Variants in COMMD10 observed in about 807,000 individuals in gnomAD.
COMMD10 encodes the protein COMM domain-containing protein 10.
COMMD10 carries 33 observed loss-of-function variants against 28.9 expected under a neutral mutation model. The ratio of observed to expected loss-of-function variants is 1.14; its 90% CI spans 0.87 to 1.53. The LOEUF is 1.53. COMMD10 is among the 40% of genes most tolerant of loss of function. The probability of loss-of-function intolerance (pLI) is 0.00; values close to 1 mark genes in which losing one functional copy is unlikely to be tolerated. For synonymous variants in COMMD10, 110 were observed against 81.7 expected (o/e 1.35, Z -1.87); for missense variants, 310 against 233.4 (o/e 1.33, Z -2.14).
intron 5 of COMMD10, among the ~76,000 whole-genome samples, chr5:116,280,674 G>A (rs1247365539): frequency 6.6e-6 from 1 of 151,786 alleles, no homozygotes; most frequent in Admixed American, 6.6e-5. Flanking sequence ...GTAAATGTAA[G>A]TAGAGTTTCA....
At chr5:116,255,777 C>A (rs1025313215) in intron 5 of COMMD10, 2 of 151,094 alleles carry the variant, frequency 1.3e-5, no homozygotes, top group Admixed American at 6.6e-5. Flanking sequence ...AAAGATACAA[C>A]CCATGAGTGC....
intron 5 of COMMD10, among the ~76,000 whole-genome samples, chr5:116,216,625 G>A (rs192187961): frequency 5.3e-5 from 8 of 152,196 alleles, no homozygotes; most frequent in Non-Finnish European, 8.8e-5. Flanking sequence ...TGTGCCTCCC[G>A]GAGGTTCAAG....
At chr5:116,159,858 A>T (rs1191670122) in intron 5 of COMMD10, among the ~76,000 whole-genome samples, 1 of 152,216 alleles carries the variant, frequency 6.6e-6, no homozygotes. Context: ...ATTGAAACTT[A>T]AATGTATTGC....
chr5:116,253,560 G>T (rs1750187016), intron 5 of COMMD10, among the ~76,000 whole-genome samples: 1 of 135,738 alleles, frequency 7.4e-6, no homozygotes, highest in African/African-American at 2.9e-5. Flanking sequence ...ATAATCATGT[G>T]GTTTTTGTCT....
At chr5:116,228,297 T>G (rs1749445786) in intron 5 of COMMD10, among the ~76,000 whole-genome samples, 2 of 151,956 alleles carry the variant, frequency 1.3e-5, no homozygotes, top group African/African-American at 4.8e-5. Context: ...ACAAAATCAT[T>G]ATTTTGATAG....
chr5:116,205,331 G>C (rs1028030444), intron 5 of COMMD10, among the ~76,000 whole-genome samples: 12 of 151,998 alleles, frequency 7.9e-5, no homozygotes, highest in Admixed American at 7.9e-4. Flanking sequence ...CTATTTAGTT[G>C]TTGGAAGAGA....
At chr5:116,227,772 A>G (rs1749434431) in intron 5 of COMMD10, among the ~76,000 whole-genome samples, 1 of 152,122 alleles carries the variant, frequency 6.6e-6, no homozygotes, top group Non-Finnish European at 1.5e-5. Flanking sequence ...AATGTTAAAA[A>G]GTTACTATCA....
At chr5:116,283,016 T>C (rs1282760166) in intron 5 of COMMD10, among the ~76,000 whole-genome samples, 2 of 151,942 alleles carry the variant, frequency 1.3e-5, no homozygotes, top group Non-Finnish European at 2.9e-5. Context: ...TTAGAGAAGA[T>C]TCTGTAGAAC....
rs575248113 is a variant in COMMD10, at chr5:116,241,762, G to A, written c.511-49755G>A. Among the ~76,000 whole-genome samples, 115 of 152,034 alleles carry A rather than the reference G, an allele frequency of 7.6e-4. 1 individual carries two copies. The highest frequency in any genetic ancestry group is 3.9e-4 in the East Asian group (2 of 5,172). ...TGAGTAGCTGGGACTACAGGCGCCC[G>A]CCACCACGCCCAGCTAATTTTTTGT... On this transcript the variant is annotated intron_variant, in intron 5 of 6. Transcript: ENST00000274458.
chr5:116,287,591 G>A (rs1751252413), intron 5 of COMMD10, among the ~76,000 whole-genome samples: 1 of 151,590 alleles, frequency 6.6e-6, no homozygotes, highest in Admixed American at 6.6e-5. Context: ...ATTACCGATA[G>A]GCAAGGACTT....
intron 5 of COMMD10, among the ~76,000 whole-genome samples, chr5:116,289,697 C>G (rs928857016): frequency 6.6e-6 from 1 of 151,814 alleles, no homozygotes; most frequent in African/African-American, 2.4e-5. Flanking sequence ...CTTGGTTGCT[C>G]CGCTATTCCA....
chr5:116,269,667 CTCT>C (rs1245083962), intron 5 of COMMD10, among the ~76,000 whole-genome samples: 1 of 151,618 alleles, frequency 6.6e-6, no homozygotes, highest in Non-Finnish European at 1.5e-5. Context: ...ATATTTTAGC[CTCT>C]TCTTAAGTTT....
At chr5:116,146,806 T>C (rs1752364938) in intron 5 of COMMD10, among the ~76,000 whole-genome samples, 2 of 151,790 alleles carry the variant, frequency 1.3e-5, no homozygotes, top group Non-Finnish European at 2.9e-5. Context: ...TCAGAAGAAA[T>C]TATTGGGCAC....
intron 5 of COMMD10, among the ~76,000 whole-genome samples, chr5:116,265,834 A>G (rs923885359): frequency 3.3e-5 from 5 of 151,812 alleles, no homozygotes; most frequent in Admixed American, 1.3e-4. Flanking sequence ...ATGCAGTTCG[A>G]CACCAGAGAT....
At chr5:116,252,142 GGTT>G (rs1750136972) in intron 5 of COMMD10, among the ~76,000 whole-genome samples, 1 of 146,356 alleles carries the variant, frequency 6.8e-6, no homozygotes, top group Non-Finnish European at 1.5e-5. Flanking sequence ...TTTTTGATGG[GGTT>G]GTTTGTTTTT....
At chr5:116,146,427 G>A (rs1225356788) in intron 5 of COMMD10, among the ~76,000 whole-genome samples, 1 of 151,784 alleles carries the variant, frequency 6.6e-6, no homozygotes, top group African/African-American at 2.4e-5. Context: ...AACATCAGTG[G>A]TGATTTTTGG....
intron 5 of COMMD10, among the ~76,000 whole-genome samples, chr5:116,289,290 C>A (rs1163817936): frequency 1.3e-5 from 2 of 151,822 alleles, no homozygotes; most frequent in Non-Finnish European, 2.9e-5. Flanking sequence ...TATTTTGTTC[C>A]TTTGATTAGG....
chr5:116,163,853 A>C (rs994042350), intron 5 of COMMD10, among the ~76,000 whole-genome samples: 4 of 152,176 alleles, frequency 2.6e-5, no homozygotes, highest in African/African-American at 9.7e-5. Flanking sequence ...TCAAGGGAAA[A>C]GCTACCCAGT....
intron 5 of COMMD10, among the ~76,000 whole-genome samples, chr5:116,251,334 C>T (rs1162588924): frequency 6.8e-6 from 1 of 147,538 alleles, no homozygotes; most frequent in African/African-American, 2.5e-5. Context: ...GGTACATGTG[C>T]ACATTGTGCA....
Sources: gnomAD v4.1 joint callset for allele counts (sites outside exome capture counted in the v4.1 genomes callset) on GRCh38, gnomAD v4.1.1 for gene constraint, MANE v1.5 for transcripts, NCBI Gene and HGNC (gene_info 2026-07-23, HGNC 2026-07-21) for gene names.